DLGAP2: variants seen among roughly 807,000 people sequenced by gnomAD.
The protein encoded by DLGAP2 is DLG associated protein 2, also known as disks large-associated protein 2.
DLGAP2 carries 26 observed loss-of-function variants against 100.3 expected under a neutral mutation model. The observed-to-expected ratio is 0.26, with a 90% confidence interval of 0.19 to 0.36. The LOEUF (loss-of-function observed/expected upper bound fraction) is 0.36. Among genes scored for constraint, DLGAP2 ranks in the 10% least tolerant of loss-of-function variants. DLGAP2 has a pLI of 1.00. For missense variants in DLGAP2, 1,858 were observed against 1,453.2 expected (o/e 1.28, Z -4.53); for synonymous variants, 886 against 630.1 (o/e 1.41, Z -6.08).
intron 10 of DLGAP2, 35 bp downstream of exon 10, chr8:1,669,819 C>A (rs1798645236): frequency 1.3e-6 from 1 of 780,796 alleles, no homozygotes; most frequent in African/African-American, 1.7e-5. Context: ...GCCGCGTCCG[C>A]ATGACTTTCA....
At chr8:1,103,927 G>A (rs184164192) in intron 2 of DLGAP2, among the ~76,000 whole-genome samples, 1 of 152,220 alleles carries the variant, frequency 6.6e-6, no homozygotes, top group African/African-American at 2.4e-5. Flanking sequence ...TTGGCCTTTG[G>A]TGAGGATGCC....
At chr8:1,659,341 G>A (rs1798357489) in intron 8 of DLGAP2, among the ~76,000 whole-genome samples, 3 of 152,186 alleles carry the variant, frequency 2.0e-5, no homozygotes, top group South Asian at 4.1e-4. Context: ...AGAGAGTTCT[G>A]TAGATGTCTA....
chr8:765,588 C>T (rs1821189260), intron 1 of DLGAP2, among the ~76,000 whole-genome samples: 1 of 152,044 alleles, frequency 6.6e-6, no homozygotes, highest in Admixed American at 6.6e-5. Flanking sequence ...AAACAGCACC[C>T]CAAAATGGTC....
chr8:1,331,840 G>A (rs1801164620), intron 3 of DLGAP2, among the ~76,000 whole-genome samples: 1 of 152,168 alleles, frequency 6.6e-6, no homozygotes, highest in South Asian at 2.1e-4. Context: ...AGCAGAGGGA[G>A]AGTGGCTGTG....
chr8:965,937 A>G (rs1477179991), intron 2 of DLGAP2, among the ~76,000 whole-genome samples: 1 of 152,222 alleles, frequency 6.6e-6, no homozygotes, highest in African/African-American at 2.4e-5. Context: ...TGGCAAGGAC[A>G]GCTACCATGA....
At chr8:1,234,875 G>T (rs112653697) in intron 2 of DLGAP2, among the ~76,000 whole-genome samples, 1 of 152,204 alleles carries the variant, frequency 6.6e-6, no homozygotes, top group South Asian at 2.1e-4. Context: ...CTGTCACAGC[G>T]CTGTGTCTAG....
Position 960,235 on chromosome 8 carries a change from A to AACTTTTTTTTTT in DLGAP2, c.73+52269_73+52270insACTTTTTTTTTT, listed in dbSNP as rs1799691008. On this transcript the variant is annotated intron_variant, in intron 2 of 14. Coordinates refer to ENST00000637795, the MANE Select transcript of DLGAP2 (RefSeq NM_001346810.2). The stretch of plus-strand genomic sequence containing the variant: ...TTTTGGGCAATTATTCCTGAAGTAT[A>AACTTTTTTTTTT]TCTTTTTTTTTTTTTTTCCCGAGAC... Among the ~76,000 whole-genome samples, 24 of 8,346 alleles carry AACTTTTTTTTTT rather than the reference A, an allele frequency of 2.9e-3. 1 individual carries two copies. The highest frequency in any genetic ancestry group is 9.5e-3 in the African/African-American group (22 of 2,316). The allele number at this position is 8,346 out of a possible 152,430, so 5.5% of individuals were successfully genotyped here. A position where few individuals can be genotyped will look rare whatever the true frequency, so the allele number is the denominator to read the frequency against.
intron 5 of DLGAP2, among the ~76,000 whole-genome samples, chr8:1,553,356 T>C (rs1264802803): frequency 2.6e-5 from 4 of 152,316 alleles, no homozygotes; most frequent in South Asian, 2.1e-4. Flanking sequence ...TTATTTGACA[T>C]GAAGAGGTTC....
intron 1 of DLGAP2, among the ~76,000 whole-genome samples, chr8:868,716 C>T (rs1797542849): frequency 6.6e-6 from 1 of 152,188 alleles, no homozygotes; most frequent in African/African-American, 2.4e-5. Context: ...GAGGCGTCTG[C>T]AGCCCTGTCT....
intron 1 of DLGAP2, among the ~76,000 whole-genome samples, chr8:864,863 C>T (rs1012135544): frequency 2.6e-5 from 4 of 152,090 alleles, no homozygotes; most frequent in African/African-American, 9.7e-5. Context: ...TCAGTGTTCT[C>T]GTCATTGATA....
In DLGAP2 at chr8:1,544,007, A is replaced by G. The variant is rs139075657; in HGVS notation, c.173-4619A>G. Among the ~76,000 whole-genome samples, 168 of 152,080 alleles carry G rather than the reference A, an allele frequency of 1.1e-3. 1 individual carries two copies. Among genetic ancestry groups the G allele is most frequent in the Non-Finnish European group, 1.8e-3 (122 of 67,974 alleles). On this transcript the variant is annotated intron_variant, in intron 4 of 14. Coordinates refer to ENST00000637795, the MANE Select transcript of DLGAP2 (RefSeq NM_001346810.2). ...AGCCTTGAACTCCCAGACTCAAGCA[A>G]TCCTCCCACATTAGCCTCCCAAGTA... is the stretch of plus-strand genomic sequence containing the variant.
chr8:988,766 C>T (rs891664297), intron 2 of DLGAP2, among the ~76,000 whole-genome samples: 1 of 152,184 alleles, frequency 6.6e-6, no homozygotes, highest in Admixed American at 6.5e-5. Context: ...GACCCAGGGC[C>T]TGTCCCCCGG....
At chr8:1,191,855 A>G (rs1471058670) in intron 2 of DLGAP2, among the ~76,000 whole-genome samples, 1 of 152,200 alleles carries the variant, frequency 6.6e-6, no homozygotes, top group East Asian at 1.9e-4. Context: ...TGTTCACATT[A>G]CAGTCAATAG....
chr8:920,575 G>T (rs553716572), intron 2 of DLGAP2, among the ~76,000 whole-genome samples: 21 of 152,036 alleles, frequency 1.4e-4, no homozygotes, highest in Non-Finnish European at 2.8e-4. Flanking sequence ...GGGCAACATG[G>T]TGAGACCCCA....
intron 3 of DLGAP2, among the ~76,000 whole-genome samples, chr8:1,371,746 G>A (rs570951032): frequency 6.6e-6 from 1 of 152,272 alleles, no homozygotes; most frequent in South Asian, 2.1e-4. Context: ...ACATGTCATC[G>A]CCACTTGAGA....
At chr8:915,981 G>C (rs2129000488) in intron 2 of DLGAP2, among the ~76,000 whole-genome samples, 1 of 151,610 alleles carries the variant, frequency 6.6e-6, no homozygotes, top group East Asian at 2.0e-4. Flanking sequence ...CCGTCCATCT[G>C]TCCCAGGGCG....
intron 2 of DLGAP2, among the ~76,000 whole-genome samples, chr8:1,245,035 A>G (rs7840118): frequency 6.6e-6 from 1 of 152,088 alleles, no homozygotes; most frequent in South Asian, 2.1e-4. Context: ...AAATCAAAAT[A>G]CAATGAGACA....
At chr8:1,649,258 A>T (rs1409390237) in intron 8 of DLGAP2, among the ~76,000 whole-genome samples, 2 of 151,186 alleles carry the variant, frequency 1.3e-5, no homozygotes, top group African/African-American at 4.9e-5. Flanking sequence ...AGAACACTCA[A>T]TACCCAGTGT....
At chr8:1,486,248 C>G (rs960396006) in intron 3 of DLGAP2, among the ~76,000 whole-genome samples, 11 of 152,172 alleles carry the variant, frequency 7.2e-5, no homozygotes, top group African/African-American at 2.7e-4. Context: ...TGGACTTGAG[C>G]AAGTCAAGCC....
Sources: gnomAD v4.1 joint callset for allele counts (sites outside exome capture counted in the v4.1 genomes callset) on GRCh38, gnomAD v4.1.1 for gene constraint, MANE v1.5 for transcripts, NCBI Gene and HGNC (gene_info 2026-07-23, HGNC 2026-07-21) for gene names.